Variants in C11orf54 observed in about 807,000 individuals in gnomAD.
C11orf54 encodes beta-keto L-gulonate decarboxylase.
C11orf54 carries 29 observed loss-of-function variants against 35.5 expected under a neutral mutation model. That is an observed-to-expected ratio of 0.82 (90% CI 0.61 to 1.11). The LOEUF (loss-of-function observed/expected upper bound fraction) is 1.11, where lower values mean the gene tolerates loss of function less well. Among genes scored for constraint, C11orf54 ranks in the 50% most tolerant of loss-of-function variants. The pLI is 0.00. For missense variants in C11orf54, 373 were observed against 369.2 expected (o/e 1.01, Z -0.08); for synonymous variants, 108 against 121.1 (o/e 0.89, Z 0.71).
chr11:93,760,522 C>A (rs1228517401), intron 8 of C11orf54, among the ~76,000 whole-genome samples: 2 of 129,230 alleles, frequency 1.5e-5, no homozygotes, highest in Non-Finnish European at 3.5e-5. Context: ...TCAAAAAAAA[C>A]AATTAGTAGA....
chr11:93,762,104 G>C lies in C11orf54; in HGVS notation c.*416G>C, dbSNP rs1412135766. The C allele has an allele frequency of 6.6e-6, 1 of 152,368 alleles. No homozygotes were observed. The highest frequency in any genetic ancestry group is 1.5e-5 in the Non-Finnish European group (1 of 68,288). The allele number at this position is 152,368 out of a possible 1,614,324, so 9.4% of individuals were successfully genotyped here. On this transcript the variant is annotated 3_prime_UTR_variant, in exon 9 of 9. Transcript: ENST00000354421. ...TTATTTTTTTTATTCTGTAGTATCA[G>C]CGAAATCAGTCATGTTTATACCTTG...
At chr11:93,746,988 A>G (rs1284277507) in intron 1 of C11orf54, 1 of 152,344 alleles carries the variant, frequency 6.6e-6, no homozygotes, top group Non-Finnish European at 1.5e-5. Context: ...ATGATATTTA[A>G]AAAAAAAATG....
chr11:93,743,553 T>C (rs1035349164), intron 1 of C11orf54, among the ~76,000 whole-genome samples: 6 of 151,262 alleles, frequency 4.0e-5, no homozygotes, highest in South Asian at 2.1e-4. Context: ...TATGGGAGGG[T>C]GCGTGGGGGT....
Position 93,763,761 on chromosome 11 carries a change from GAA to G in C11orf54, c.*2082_*2083del. The G allele has an allele frequency of 6.8e-6, 1 of 147,118 alleles. No individual in the cohort carries two copies. The highest frequency in any genetic ancestry group is 2.5e-5 in the African/African-American group (1 of 40,072). 9.1% of individuals were successfully genotyped at this position (147,118 alleles called of 1,614,324 possible). On this transcript the variant is annotated 3_prime_UTR_variant, in exon 9 of 9. Transcript: ENST00000354421. ...ACACAGTGAGACCCTGTCTCAAAAA[GAA>G]AAAAAAAATGACTGATGAAGCCACA...
intron 3 of C11orf54, 64 bp from the exon 4 acceptor site, chr11:93,753,618 A>G: frequency 7.2e-7 from 1 of 1,388,510 alleles, no homozygotes; most frequent in Non-Finnish European, 1.0e-6. Flanking sequence ...GCATTTTATT[A>G]TTAAATTAGA....
chr11:93,744,034 C>T (rs1942310134), intron 1 of C11orf54, among the ~76,000 whole-genome samples: 1 of 152,200 alleles, frequency 6.6e-6, no homozygotes, highest in African/African-American at 2.4e-5. Flanking sequence ...GCTGTGCCAT[C>T]AGCCTGCCTG....
intron 2 of C11orf54, among the ~76,000 whole-genome samples, chr11:93,748,480 G>A (rs1326403052): frequency 6.6e-6 from 1 of 151,882 alleles, no homozygotes; most frequent in East Asian, 1.9e-4. Context: ...TCTAGAATCT[G>A]TTTTCACTTT....
Position 93,747,458 on chromosome 11 carries a change from A to G in C11orf54, c.55+10A>G. Reference sequence around the variant, plus strand: ...GAAGAGCTTGCTGGAGGTAAAAACAATATTAACTTTGGATTTTTAAAAATT... The same window carrying G: ...GAAGAGCTTGCTGGAGGTAAAAACAGTATTAACTTTGGATTTTTAAAAATT... On this transcript the variant is annotated intron_variant, in intron 2 of 8. Coordinates refer to ENST00000354421, the MANE Select transcript of C11orf54 (RefSeq NM_001286069.2). 1 of 1,582,696 alleles carries G rather than the reference A, an allele frequency of 6.3e-7. No homozygotes were observed. The highest frequency in any genetic ancestry group is 8.6e-7 in the Non-Finnish European group (1 of 1,167,878).
intron 1 of C11orf54, chr11:93,742,006 C>G (rs1942100049): frequency 6.1e-6 from 1 of 163,692 alleles, no homozygotes; most frequent in Non-Finnish European, 1.3e-5. Context: ...CATTCTTTGA[C>G]CATGACTCGA....
In C11orf54 at chr11:93,750,966, C is replaced by T. The variant is rs140151399; in HGVS notation, c.154+522C>T. Among the ~76,000 whole-genome samples, 591 of 152,264 alleles carry T rather than the reference C, an allele frequency of 3.9e-3. 9 individuals are homozygous for T. The highest frequency in any genetic ancestry group is 0.014 in the African/African-American group (563 of 41,550). On this transcript the variant is annotated intron_variant, in intron 3 of 8. Coordinates refer to ENST00000354421, the MANE Select transcript of C11orf54 (RefSeq NM_001286069.2). The stretch of plus-strand genomic sequence containing the variant: ...GTTGATGTTTCAGTTTTTACAATAA[C>T]ACCACAAGGTAAGTAGTAGCCCTTG...
chr11:93,764,167 G>T lies in C11orf54; in HGVS notation c.*2479G>T, dbSNP rs1409393298. 1 of 152,158 alleles carries T rather than the reference G, an allele frequency of 6.6e-6. No homozygotes were observed. Among genetic ancestry groups the T allele is most frequent in the Non-Finnish European group, 1.5e-5 (1 of 68,038 alleles). 9.4% of individuals were successfully genotyped at this position (152,158 alleles called of 1,614,324 possible). A position where few individuals can be genotyped will look rare whatever the true frequency, so the allele number is the denominator to read the frequency against. On this transcript the variant is annotated 3_prime_UTR_variant, in exon 9 of 9. Coordinates refer to ENST00000354421, the MANE Select transcript of C11orf54 (RefSeq NM_001286069.2). ...GGTGTAGGGCATAAGGGGACGAGGG[G>T]TGGGATAAGGCTTAAAAGCCACCAG... is the stretch of plus-strand genomic sequence containing the variant.
intron 6 of C11orf54, 97 bp from the exon 7 acceptor site, chr11:93,757,219 C>G: frequency 7.5e-7 from 1 of 1,339,032 alleles, no homozygotes; most frequent in African/African-American, 1.5e-5. Context: ...AAGCAAAGAA[C>G]AGAATATTTG....
intron 6 of C11orf54, among the ~76,000 whole-genome samples, chr11:93,756,153 C>A (rs1248505230): frequency 9.3e-5 from 9 of 97,088 alleles, no homozygotes; most frequent in African/African-American, 3.1e-4. Flanking sequence ...GGCAACAAAG[C>A]AAGACTCTGT....
At chr11:93,752,864 T>TCAGCCTCCTGAGTAGTACACC (rs1472981533) in intron 3 of C11orf54, among the ~76,000 whole-genome samples, 1 of 149,650 alleles carries the variant, frequency 6.7e-6, no homozygotes, top group Non-Finnish European at 1.5e-5. Context: ...TTCTCCTGCC[T>TCAGCCTCCTGAGTAGTACACC]CAGCCTCCTG....
At chr11:93,756,153 CAAGACTCTGTCTCCAAAA>C (rs1219636135) in intron 6 of C11orf54, among the ~76,000 whole-genome samples, 3 of 97,092 alleles carry the variant, frequency 3.1e-5, no homozygotes, top group African/African-American at 8.7e-5. Context: ...GGCAACAAAG[CAAGACTCTGTCTCCAAAA>C]AAAAAAAAAA....
rs1170387077 is a variant in C11orf54, at chr11:93,747,354, A to G, written c.-40A>G. 4.0e-6 allele frequency: 6 copies of G among 1,508,870 alleles called. No homozygotes were observed. The East Asian group carries it at 9.5e-5, about 24-fold the overall frequency. 93.5% of individuals were successfully genotyped at this position (1,508,870 alleles called of 1,614,324 possible). On this transcript the variant is annotated 5_prime_UTR_variant, in exon 2 of 9. Coordinates refer to ENST00000354421, the MANE Select transcript of C11orf54 (RefSeq NM_001286069.2). ...ACTCTTGTGATAATTAACCAAGAGT[A>G]GCTCTATTTGTCCAACCTCACACCT...
At chr11:93,744,216 C>T (rs1942318867) in intron 1 of C11orf54, among the ~76,000 whole-genome samples, 3 of 152,196 alleles carry the variant, frequency 2.0e-5, no homozygotes, top group Non-Finnish European at 2.9e-5. Flanking sequence ...CTGTTATCCA[C>T]AACCATTTAA....
chr11:93,756,417 C>T (rs558549712), intron 6 of C11orf54, among the ~76,000 whole-genome samples: 1 of 150,310 alleles, frequency 6.7e-6, no homozygotes, highest in South Asian at 2.1e-4. Flanking sequence ...CCCTTGTGCC[C>T]AGGTGTTTGA....
At chr11:93,748,877 G>A (rs989083434) in intron 2 of C11orf54, among the ~76,000 whole-genome samples, 5 of 151,180 alleles carry the variant, frequency 3.3e-5, no homozygotes, top group African/African-American at 1.2e-4. Flanking sequence ...AAGGTGCGGT[G>A]GCTCATGCCT....
Sources: gnomAD v4.1 joint callset for allele counts (sites outside exome capture counted in the v4.1 genomes callset) on GRCh38, gnomAD v4.1.1 for gene constraint, MANE v1.5 for transcripts, NCBI Gene and HGNC (gene_info 2026-07-23, HGNC 2026-07-21) for gene names.